The following ZNF423 variants were observed in gnomAD, a reference collection of about 807,000 sequenced individuals.
ZNF423 encodes the protein Ebf-associated zinc finger protein.
Under a neutral mutation model 95.8 loss-of-function variants are expected in ZNF423, and 12 were observed. That is an observed-to-expected ratio of 0.13 (90% CI 0.08 to 0.20). The LOEUF (loss-of-function observed/expected upper bound fraction) is 0.20. Ranked by LOEUF, ZNF423 falls within the 10% of genes least tolerant of loss-of-function variation. The pLI, the probability that ZNF423 is intolerant of heterozygous loss-of-function variation, is 1.00. For missense variants in ZNF423, 1,316 were observed against 1,737.1 expected (o/e 0.76, Z 4.31); for synonymous variants, 749 against 711.9 (o/e 1.05, Z -0.83).
chr16:49,564,108 T>C (rs561978359), intron 5 of ZNF423, among the ~76,000 whole-genome samples: 1 of 152,214 alleles, frequency 6.6e-6, no homozygotes, highest in African/African-American at 2.4e-5. Flanking sequence ...GCCTGCCCAA[T>C]GGCCTGCCCG....
chr16:49,541,234 A>G (rs144038104), intron 5 of ZNF423, among the ~76,000 whole-genome samples: 56 of 152,358 alleles, frequency 3.7e-4, no homozygotes, highest in African/African-American at 1.2e-3. Context: ...CACTCAGCCA[A>G]TGATTGCTCA....
chr16:49,513,229 C>T (rs1967970526), intron 7 of ZNF423, among the ~76,000 whole-genome samples: 2 of 152,296 alleles, frequency 1.3e-5, no homozygotes, highest in African/African-American at 2.4e-5. Context: ...GTTCTCACTC[C>T]CTGGAACCAC....
At chr16:49,608,360 C>T (rs1358460699) in intron 5 of ZNF423, among the ~76,000 whole-genome samples, 1 of 152,152 alleles carries the variant, frequency 6.6e-6, no homozygotes, top group Non-Finnish European at 1.5e-5. Flanking sequence ...ACTCTTAGCT[C>T]CAATTTCCAC....
chr16:49,718,436 C>A (rs115964945), intron 3 of ZNF423, among the ~76,000 whole-genome samples: 1 of 152,058 alleles, frequency 6.6e-6, no homozygotes, highest in Admixed American at 6.5e-5. Context: ...TGAACGCACA[C>A]GTGCCAGGGG....
At chr16:49,834,829 G>C (rs1394381904) in intron 1 of ZNF423, among the ~76,000 whole-genome samples, 1 of 151,936 alleles carries the variant, frequency 6.6e-6, no homozygotes, top group Non-Finnish European at 1.5e-5. Flanking sequence ...CCGGCTGTGC[G>C]CTCCCCTCCC....
rs1300034216 is a variant in ZNF423 at position 49,636,955 on chromosome 16, C to T, written c.2221G>A (p.Val741Met). Residue 741 changes from valine (V) to methionine (M), a missense_variant, in exon 4 of 8, where the codon GTG (valine) becomes ATG (methionine). Val to Met is a conservative substitution (Grantham distance 21). This residue lies in a region of ZNF423 where 620 missense variants were observed against 775.6 expected (regional missense o/e 0.80). Transcript: ENST00000563137. This position sits in a 1 kb window ranked among gnomAD's most constrained non-coding sequence, Gnocchi z 8.6. ...ACCGCCAGGTGCACCTGGATGGACA[C>T]CTTGGAGTCGAAGACCTCCTGACAC... ...TLCQEVFDSK[V>M]SIQVHLAVKH... 6.2e-7 allele frequency: 1 copy of T among 1,613,750 alleles called. No individual in the cohort carries two copies.
Position 49,505,788 on chromosome 16 carries a change from A to G in ZNF423, c.3850-14484T>C, listed in dbSNP as rs150416555. Among the ~76,000 whole-genome samples, 680 of 152,286 alleles carry G rather than the reference A, an allele frequency of 4.5e-3. 6 individuals carry two copies. The highest frequency in any genetic ancestry group is 7.4e-3 in the Non-Finnish European group (505 of 68,022). The stretch of plus-strand genomic sequence containing the variant: ...CTCCATGGGCTGCCCACTCTTTGGA[A>G]GCTGGTCCCACTGATGAGGCTGAAG... On this transcript the variant is annotated intron_variant, in intron 7 of 7. Coordinates refer to ENST00000563137, the MANE Select transcript of ZNF423 (RefSeq NM_001379286.1).
intron 4 of ZNF423, among the ~76,000 whole-genome samples, chr16:49,634,313 G>A (rs1972606835): frequency 6.6e-6 from 1 of 150,828 alleles, no homozygotes; most frequent in African/African-American, 2.4e-5. Flanking sequence ...AACTCAAAAA[G>A]TGCTGGGACT....
chr16:49,828,841 C>T (rs562405018), intron 1 of ZNF423, among the ~76,000 whole-genome samples: 1 of 152,326 alleles, frequency 6.6e-6, no homozygotes, highest in South Asian at 2.1e-4. Flanking sequence ...TCTTTCTCTA[C>T]CCCCAGGGAG....
At chr16:49,588,377 G>T (rs1393625543) in intron 5 of ZNF423, among the ~76,000 whole-genome samples, 1 of 152,180 alleles carries the variant, frequency 6.6e-6, no homozygotes, top group African/African-American at 2.4e-5. Flanking sequence ...TACATACGCT[G>T]AGGCTAAGCC....
intron 3 of ZNF423, among the ~76,000 whole-genome samples, chr16:49,705,619 C>T (rs576507720): frequency 1.3e-5 from 2 of 152,320 alleles, no homozygotes; most frequent in East Asian, 1.9e-4. Context: ...GCGATCTAGG[C>T]TCACTGCAAC....
In ZNF423 at chr16:49,789,519, G is replaced by A. The variant is rs377503772; in HGVS notation, c.68C>T (p.Ser23Leu). The A allele has an allele frequency of 3.1e-6, 5 of 1,612,444 alleles. No individual in the cohort carries two copies. The highest frequency in any genetic ancestry group is 3.4e-6 in the Non-Finnish European group (4 of 1,179,576). The change falls in exon 2 of 8, where the codon TCG becomes TTG. Residue 23 changes from serine to leucine, a missense_variant. Coordinates refer to ENST00000563137, the MANE Select transcript of ZNF423 (RefSeq NM_001379286.1). ...TGTCACGGAGGAATCCCAGGCCAGC[G>A]AGAAGTCTGAGGCCTCCCCCTCTTC... ...KVEEGEASDF[S>L]LAWDSSVTAA...
At chr16:49,619,380 G>A (rs144887877) in intron 5 of ZNF423, among the ~76,000 whole-genome samples, 3 of 152,178 alleles carry the variant, frequency 2.0e-5, no homozygotes, top group Non-Finnish European at 4.4e-5. Context: ...AAACACATAC[G>A]CATACAAAAG....
chr16:49,625,234 T>C (rs1409414562), intron 5 of ZNF423, among the ~76,000 whole-genome samples: 3 of 152,154 alleles, frequency 2.0e-5, no homozygotes, highest in African/African-American at 7.2e-5. Context: ...GTGCCTGTAA[T>C]CCCAGCTACT....
At chr16:49,552,292 T>A (rs1308126401) in intron 5 of ZNF423, among the ~76,000 whole-genome samples, 5 of 152,224 alleles carry the variant, frequency 3.3e-5, no homozygotes, top group African/African-American at 1.2e-4. Context: ...CCTGCCCCTT[T>A]CTGAGCCTCA....
intron 1 of ZNF423, chr16:49,854,691 G>A (rs761491907): frequency 5.4e-4 from 536 of 985,478 alleles, no homozygotes; most frequent in Non-Finnish European, 5.7e-4. Flanking sequence ...GGAAAGGCCA[G>A]CCGCGGGGAG....
At chr16:49,783,550 A>C (rs910026379) in intron 2 of ZNF423, among the ~76,000 whole-genome samples, 10 of 111,908 alleles carry the variant, frequency 8.9e-5, no homozygotes, top group African/African-American at 3.5e-4. Flanking sequence ...TAGGTTTAGT[A>C]GCAGGCTGAA....
intron 3 of ZNF423, chr16:49,664,317 C>T (rs903063655): frequency 1.0e-6 from 1 of 984,938 alleles, no homozygotes; most frequent in Non-Finnish European, 1.2e-6. Context: ...CGGCGCTTGG[C>T]GGAGGACCCA....
chr16:49,755,179 C>T (rs1371816516), intron 2 of ZNF423, among the ~76,000 whole-genome samples: 1 of 152,186 alleles, frequency 6.6e-6, no homozygotes, highest in Non-Finnish European at 1.5e-5. Flanking sequence ...GAATGCAAGA[C>T]AGGACCCCAG....
Sources: gnomAD v4.1 joint callset for allele counts (sites outside exome capture counted in the v4.1 genomes callset) on GRCh38, gnomAD v4.1.1 for gene constraint, gnomAD v4.1.1 regional missense constraint, Gnocchi (gnomAD v3.1) non-coding constraint, MANE v1.5 for transcripts, NCBI Gene and HGNC (gene_info 2026-07-23, HGNC 2026-07-21) for gene names.